The following ASTN2 variants were observed in gnomAD, a reference collection of about 807,000 sequenced individuals.
ASTN2 encodes astrotactin-2.
ASTN2 carries 54 observed loss-of-function variants against 139.8 expected under a neutral mutation model. The observed-to-expected ratio is 0.39, with a 90% CI of 0.31 to 0.48. ASTN2 has a LOEUF of 0.48. ASTN2 is among the 20% of genes least tolerant of loss of function. The pLI is 0.95. For synonymous variants in ASTN2, 756 were observed against 719.5 expected (o/e 1.05, Z -0.81); for missense variants, 1,565 against 1,725.1 (o/e 0.91, Z 1.64).
intron 10 of ASTN2, among the ~76,000 whole-genome samples, chr9:116,940,472 G>C (rs149296018): frequency 1.1e-4 from 16 of 152,254 alleles, no homozygotes; most frequent in Admixed American, 9.2e-4. Flanking sequence ...TGATATTGAT[G>C]ATCCTGATTC....
chr9:116,653,363 A>G (rs1858030529), intron 16 of ASTN2, among the ~76,000 whole-genome samples: 1 of 152,188 alleles, frequency 6.6e-6, no homozygotes, highest in Non-Finnish European at 1.5e-5. Context: ...GAGCAGTTTC[A>G]CTTTTATTTC....
At chr9:116,730,967 C>T (rs1038785425) in intron 14 of ASTN2, among the ~76,000 whole-genome samples, 11 of 152,134 alleles carry the variant, frequency 7.2e-5, no homozygotes, top group Middle Eastern at 3.4e-3. Context: ...TATTCCTCCC[C>T]TTCTACAGAG....
chr9:117,125,117 G>T (rs1054026252), intron 4 of ASTN2, among the ~76,000 whole-genome samples: 1 of 152,192 alleles, frequency 6.6e-6, no homozygotes, highest in African/African-American at 2.4e-5. Flanking sequence ...TTCTAATGGG[G>T]TTTTATAAAT....
At chr9:117,292,667 T>C (rs141222275) in intron 1 of ASTN2, among the ~76,000 whole-genome samples, 1,543 of 152,126 alleles carry the variant, frequency 0.01, 31 homozygotes, top group African/African-American at 0.036. Context: ...TGAGGCAGTA[T>C]TCCTACAGTC....
chr9:117,311,189 C>T (rs1442047957), intron 1 of ASTN2, among the ~76,000 whole-genome samples: 1 of 148,004 alleles, frequency 6.8e-6, no homozygotes, highest in Non-Finnish European at 1.5e-5. Flanking sequence ...AGTACTGCAT[C>T]AGGCATAGAG....
intron 1 of ASTN2, among the ~76,000 whole-genome samples, chr9:117,298,677 T>C (rs1358673788): frequency 5.3e-5 from 7 of 131,116 alleles, no homozygotes; most frequent in Non-Finnish European, 9.8e-5. Flanking sequence ...TGTGTATATA[T>C]ATATATATAT....
intron 19 of ASTN2, among the ~76,000 whole-genome samples, chr9:116,532,139 T>G (rs1851381205): frequency 6.6e-6 from 1 of 152,250 alleles, no homozygotes; most frequent in Admixed American, 6.5e-5. Flanking sequence ...TTTTTGCATG[T>G]GTCTTTTGGC....
At chr9:116,543,843 T>C (rs1456223622) in intron 19 of ASTN2, 1 of 152,128 alleles carries the variant, frequency 6.6e-6, no homozygotes, top group Non-Finnish European at 1.5e-5. Context: ...ATGACGCTTG[T>C]GAGGTTCCTG....
intron 3 of ASTN2, among the ~76,000 whole-genome samples, chr9:117,187,396 T>C (rs1323992168): frequency 6.6e-6 from 1 of 151,982 alleles, no homozygotes; most frequent in Non-Finnish European, 1.5e-5. Flanking sequence ...AAAATAATGA[T>C]GTGCTATGGT....
chr9:116,438,445 C>T (rs1847726399), intron 22 of ASTN2, among the ~76,000 whole-genome samples: 1 of 152,224 alleles, frequency 6.6e-6, no homozygotes, highest in South Asian at 2.1e-4. Context: ...TGCTGTCACA[C>T]ACTTTGCTGC....
At chr9:117,035,203 A>G (rs1483433725) in intron 6 of ASTN2, among the ~76,000 whole-genome samples, 1 of 152,106 alleles carries the variant, frequency 6.6e-6, no homozygotes, top group Non-Finnish European at 1.5e-5. Context: ...TCTCAAATGG[A>G]GCTTCTTGCA....
chr9:117,113,658 AAAAACAAAAC>A (rs1215053791), intron 4 of ASTN2, among the ~76,000 whole-genome samples: 1 of 134,598 alleles, frequency 7.4e-6, no homozygotes, highest in Admixed American at 7.5e-5. Context: ...CTTCGTCTCA[AAAAACAAAAC>A]AAAACAAAAC....
chr9:117,282,955 G>T (rs561495663), intron 2 of ASTN2, among the ~76,000 whole-genome samples: 1 of 150,656 alleles, frequency 6.6e-6, no homozygotes, highest in East Asian at 1.9e-4. Context: ...TCAGCTCCAA[G>T]ATCCCACTAT....
chr9:116,514,294 C>T (rs910060729), intron 19 of ASTN2, among the ~76,000 whole-genome samples: 1 of 146,380 alleles, frequency 6.8e-6, no homozygotes, highest in African/African-American at 2.6e-5. Flanking sequence ...TGGGTATCAG[C>T]AGCAGAGGCT....
intron 2 of ASTN2, among the ~76,000 whole-genome samples, chr9:117,234,953 G>A (rs983576227): frequency 1.3e-5 from 2 of 152,184 alleles, no homozygotes; most frequent in Non-Finnish European, 2.9e-5. Flanking sequence ...GAAGGATAAG[G>A]CTGGGCGCAG....
intron 2 of ASTN2, among the ~76,000 whole-genome samples, chr9:117,229,529 C>T (rs548700485): frequency 9.9e-5 from 15 of 152,222 alleles, no homozygotes; most frequent in Non-Finnish European, 1.9e-4. Context: ...CGTCCCCAAA[C>T]TGCCACCCAA....
At chr9:117,184,813 C>T (rs1339363524) in intron 3 of ASTN2, among the ~76,000 whole-genome samples, 1 of 152,166 alleles carries the variant, frequency 6.6e-6, no homozygotes, top group African/African-American at 2.4e-5. Flanking sequence ...AGGGTCCAAG[C>T]TGTTCATGAT....
chr9:117,310,452 C>T (rs920948440), intron 1 of ASTN2, among the ~76,000 whole-genome samples: 6 of 152,166 alleles, frequency 3.9e-5, no homozygotes, highest in African/African-American at 1.2e-4. Flanking sequence ...CTCCTGAAGA[C>T]ACCTGAAGTC....
In ASTN2 at chr9:116,423,811, AAAAATGCGCTC is replaced by A. The variant is rs1847241908; in HGVS notation, c.*2029_*2039del. ...CCATATGGATTGAAGTCCTGGGGAA[AAAAATGCGCTC>A]AATATGTAGGTTATCAGGAAGGGGA... On this transcript the variant is annotated 3_prime_UTR_variant, in exon 23 of 23. Coordinates refer to ENST00000313400, the MANE Select transcript of ASTN2 (RefSeq NM_001365068.1). Among the ~76,000 whole-genome samples, 1 of 152,176 alleles carries A rather than the reference AAAAATGCGCTC, an allele frequency of 6.6e-6. No homozygotes were observed. Among genetic ancestry groups the A allele is most frequent in the Admixed American group, 6.5e-5 (1 of 15,278 alleles).
Sources: allele counts gnomAD v4.1 joint callset (sites outside exome capture counted in the v4.1 genomes callset), GRCh38; gene constraint gnomAD v4.1.1; transcripts MANE v1.5; gene names NCBI Gene and HGNC (gene_info 2026-07-23, HGNC 2026-07-21).